MCPH1: variants seen among roughly 807,000 people sequenced by gnomAD.
MCPH1 encodes microcephalin 1.
A neutral mutation model predicts 84.5 loss-of-function variants in MCPH1; 104 were observed. The observed-to-expected ratio is 1.23, with a 90% CI of 1.05 to 1.45. The LOEUF (loss-of-function observed/expected upper bound fraction) is 1.45. MCPH1 is among the 40% of genes most tolerant of loss of function. The pLI, the probability that MCPH1 is intolerant of heterozygous loss-of-function variation, is 0.00. For missense variants in MCPH1, 1,498 were observed against 1,005.7 expected (o/e 1.49, Z -6.62); for synonymous variants, 514 against 366.8 (o/e 1.40, Z -4.58).
chr8:6,440,583 G>A (rs937199971), intron 6 of MCPH1, among the ~76,000 whole-genome samples: 1 of 152,140 alleles, frequency 6.6e-6, no homozygotes, highest in Non-Finnish European at 1.5e-5. Context: ...ATTGTCACCA[G>A]TTGTTTATAA....
At chr8:6,534,264 C>G (rs12115093) in intron 12 of MCPH1, among the ~76,000 whole-genome samples, 178 of 152,142 alleles carry the variant, frequency 1.2e-3, no homozygotes, top group African/African-American at 4.1e-3. Flanking sequence ...TACAGTATAG[C>G]AACTATTTAC....
At chr8:6,521,148 C>T (rs200653775) in intron 12 of MCPH1, 47 of 1,584,566 alleles carry the variant, frequency 3.0e-5, no homozygotes, top group Middle Eastern at 3.4e-4. Context: ...AGGTTATTAA[C>T]GCTGAAGAAA....
chr8:6,418,135 C>T (rs1445726360), intron 3 of MCPH1, among the ~76,000 whole-genome samples: 1 of 152,108 alleles, frequency 6.6e-6, no homozygotes, highest in Non-Finnish European at 1.5e-5. Context: ...CTCTTACTTC[C>T]TGAGTCCTTA....
At chr8:6,516,568 C>G (rs1816314050) in intron 12 of MCPH1, among the ~76,000 whole-genome samples, 1 of 152,134 alleles carries the variant, frequency 6.6e-6, no homozygotes, top group Non-Finnish European at 1.5e-5. Flanking sequence ...CTCTTATTTG[C>G]CTGCAGTCAA....
chr8:6,593,861 T>G (rs1024148208), intron 12 of MCPH1, among the ~76,000 whole-genome samples: 1 of 152,200 alleles, frequency 6.6e-6, no homozygotes, highest in African/African-American at 2.4e-5. Flanking sequence ...TCCACAACAA[T>G]AGACCTCTGT....
chr8:6,574,571 C>G (rs750336880), intron 12 of MCPH1, among the ~76,000 whole-genome samples: 1 of 152,028 alleles, frequency 6.6e-6, no homozygotes, highest in African/African-American at 2.4e-5. Context: ...TTTGAAAACA[C>G]CTAAAGGGGA....
chr8:6,423,675 G>A (rs1800608733), intron 3 of MCPH1, among the ~76,000 whole-genome samples: 3 of 151,734 alleles, frequency 2.0e-5, no homozygotes, highest in Non-Finnish European at 4.4e-5. Flanking sequence ...TTACCTTTTT[G>A]CGGGTGATAA....
At chr8:6,466,239 T>G (rs1585931758) in intron 9 of MCPH1, among the ~76,000 whole-genome samples, 1 of 151,106 alleles carries the variant, frequency 6.6e-6, no homozygotes, top group African/African-American at 2.4e-5. Context: ...CAGGTTCAAG[T>G]GATTCTCCTG....
At chr8:6,611,118 T>TCA (rs914380537) in intron 12 of MCPH1, among the ~76,000 whole-genome samples, 1 of 139,324 alleles carries the variant, frequency 7.2e-6, no homozygotes, top group African/African-American at 3.0e-5. Flanking sequence ...ACACACTCTC[T>TCA]CACACACACA....
At chr8:6,567,473 C>T (rs1051452149) in intron 12 of MCPH1, among the ~76,000 whole-genome samples, 6 of 152,270 alleles carry the variant, frequency 3.9e-5, no homozygotes, top group Admixed American at 1.3e-4. Context: ...GGCTTACTAA[C>T]GGGATAGAAT....
intron 9 of MCPH1, among the ~76,000 whole-genome samples, chr8:6,458,199 G>A (rs572456708): frequency 1.3e-5 from 2 of 152,264 alleles, no homozygotes; most frequent in South Asian, 4.1e-4. Flanking sequence ...CGGGCTGGGT[G>A]CGGTGGCTCA....
intron 9 of MCPH1, among the ~76,000 whole-genome samples, chr8:6,476,429 CAAA>C (rs57044817): frequency 5.6e-5 from 4 of 71,302 alleles, no homozygotes; most frequent in Non-Finnish European, 1.1e-4. Flanking sequence ...AACTCCATCT[CAAA>C]AAAAAAAAAA....
At chr8:6,614,959 A>G (rs767976581) in intron 12 of MCPH1, among the ~76,000 whole-genome samples, 1 of 151,862 alleles carries the variant, frequency 6.6e-6, no homozygotes, top group Non-Finnish European at 1.5e-5. Flanking sequence ...CGTTGTCTGC[A>G]TAGTGAGCCT....
chr8:6,537,238 A>G (rs891767195), intron 12 of MCPH1, among the ~76,000 whole-genome samples: 1 of 152,048 alleles, frequency 6.6e-6, no homozygotes, highest in Admixed American at 6.6e-5. Context: ...CATGAGCGTG[A>G]TCTGTAGGCA....
rs766021422 is a variant in MCPH1 at position 6,444,458 on chromosome 8, A to T, written c.736A>T (p.Asn246Tyr). 6 of 1,614,064 alleles carry T rather than the reference A, an allele frequency of 3.7e-6. No homozygotes were observed. The highest frequency in any genetic ancestry group is 5.1e-6 in the Non-Finnish European group (6 of 1,180,032). The change falls in exon 8 of 14, where the codon AAT becomes TAT. Residue 246 changes from asparagine to tyrosine, a missense_variant. Coordinates refer to ENST00000344683, the MANE Select transcript of MCPH1 (RefSeq NM_024596.5). ...DDLCGNSGCG[N>Y]QERKLEGSIN... ...TCTTTGTGGAAACTCAGGATGTGGA[A>T]ATCAGGAAAGGAAGTTGGAAGGATC... is the stretch of plus-strand genomic sequence containing the variant.
chr8:6,502,443 G>C (rs1297577061), intron 12 of MCPH1: 2 of 152,122 alleles, frequency 1.3e-5, no homozygotes, highest in East Asian at 1.9e-4. Flanking sequence ...ATATAAATTT[G>C]AAATACGTAT....
intron 12 of MCPH1, among the ~76,000 whole-genome samples, chr8:6,568,418 C>T (rs1474345733): frequency 6.6e-6 from 1 of 152,198 alleles, no homozygotes; most frequent in Admixed American, 6.5e-5. Context: ...TAAGTCAGCA[C>T]AAAGTGGAGC....
rs1458022171 is a variant in MCPH1 at position 6,479,928 on chromosome 8, C to G, written c.1974-786C>G. Among the ~76,000 whole-genome samples the G allele has an allele frequency of 2.6e-5, 4 of 152,120 alleles. No homozygotes were observed. The South Asian group carries it at 8.3e-4, about 32-fold the overall frequency. Reference sequence around the variant, plus strand: ...GATTTGATGATTTAATAAAAAGGGTCTTTTTTCCCCTCTTAGTAGAAAAAC... The same window carrying G: ...GATTTGATGATTTAATAAAAAGGGTGTTTTTTCCCCTCTTAGTAGAAAAAC... On this transcript the variant is annotated intron_variant, in intron 10 of 13. Coordinates refer to ENST00000344683, the MANE Select transcript of MCPH1 (RefSeq NM_024596.5).
chr8:6,477,549 T>C (rs1808637748), intron 9 of MCPH1, 45 bp from the exon 10 acceptor site: 2 of 1,564,226 alleles, frequency 1.3e-6, no homozygotes, highest in Non-Finnish European at 1.8e-6. Flanking sequence ...AAATATTTTT[T>C]ATGTTTTTGA....
Sources: allele counts gnomAD v4.1 joint callset (sites outside exome capture counted in the v4.1 genomes callset), GRCh38; gene constraint gnomAD v4.1.1; transcripts MANE v1.5; gene names NCBI Gene and HGNC (gene_info 2026-07-23, HGNC 2026-07-21).